CDH8: variants seen among roughly 807,000 people sequenced by gnomAD.
The protein encoded by CDH8 is cadherin 8.
In CDH8, 17 loss-of-function variants were observed where a neutral mutation model predicts 68.1. That is an observed-to-expected ratio of 0.25 (90% CI 0.17 to 0.37). The LOEUF is 0.37. Ranked by LOEUF, CDH8 falls within the 10% of genes least tolerant of loss-of-function variation. CDH8 has a pLI of 1.00. For missense variants in CDH8, 763 were observed against 999.3 expected (o/e 0.76, Z 3.19); for synonymous variants, 372 against 365.1 (o/e 1.02, Z -0.21).
At chr16:61,746,617 A>G (rs1960031056) in intron 8 of CDH8, among the ~76,000 whole-genome samples, 1 of 150,212 alleles carries the variant, frequency 6.7e-6, no homozygotes, top group Non-Finnish European at 1.5e-5. Context: ...TATGTTCATT[A>G]TTTCCCCCAA....
rs184039088 is a variant in CDH8 at position 61,771,723 on chromosome 16, A to G, written c.1414+17623T>C. On this transcript the variant is annotated intron_variant, in intron 8 of 11. Transcript: ENST00000577390. ...TATATGTACACACACCCACACATAC[A>G]TATATTCTGTACATCAACTCAAGTG... is the stretch of plus-strand genomic sequence containing the variant. 2.5e-3 allele frequency among the ~76,000 whole-genome samples: 379 copies of G among 152,040 alleles called. 2 individuals carry two copies. The highest frequency in any genetic ancestry group is 4.1e-3 in the Non-Finnish European group (279 of 67,930).
Position 61,857,236 on chromosome 16 carries a change from T to C in CDH8, c.550A>G (p.Thr184Ala). The C allele has an allele frequency of 1.9e-6, 3 of 1,611,466 alleles. No homozygotes were observed. Among genetic ancestry groups the C allele is most frequent in the South Asian group, 1.1e-5 (1 of 90,952 alleles). The change falls in exon 4 of 12, where the codon ACA becomes GCA. Residue 184 changes from threonine (T) to alanine (A), a missense_variant and splice_region_variant. Thr to Ala is a moderately conservative substitution (Grantham distance 58, BLOSUM62 0). Coordinates refer to ENST00000577390, the MANE Select transcript of CDH8 (RefSeq NM_001796.5). ...GTCGCAGTGACGTTAGTGACAGATG[T>C]ACCTAATAAAATAGAGAAAGAAAAA... The part of the protein sequence containing the change: ...ATVPEMSILG[T>A]SVTNVTATDA...
chr16:61,943,206 C>T (rs1964751606), intron 2 of CDH8, among the ~76,000 whole-genome samples: 1 of 152,214 alleles, frequency 6.6e-6, no homozygotes, highest in African/African-American at 2.4e-5. Flanking sequence ...CAACCTGAGA[C>T]ACTAGAATAT....
chr16:61,887,599 C>T (rs993805733), intron 3 of CDH8, among the ~76,000 whole-genome samples: 24 of 152,050 alleles, frequency 1.6e-4, no homozygotes, highest in African/African-American at 5.8e-4. Context: ...GTAAGGACAC[C>T]ATTCAGACAG....
At chr16:61,734,972 G>A (rs966641299) in intron 8 of CDH8, among the ~76,000 whole-genome samples, 4 of 152,092 alleles carry the variant, frequency 2.6e-5, no homozygotes, top group Admixed American at 2.6e-4. Context: ...GAAGCCTCCA[G>A]TGAAGTATCT....
At chr16:61,834,160 A>G (rs1345153712) in intron 4 of CDH8, among the ~76,000 whole-genome samples, 1 of 151,942 alleles carries the variant, frequency 6.6e-6, no homozygotes, top group Non-Finnish European at 1.5e-5. Context: ...TCAGGGACTC[A>G]GCCCTGGAGC....
Position 61,921,524 on chromosome 16 carries a change from C to G in CDH8, c.253-20051G>C, listed in dbSNP as rs777251703. Among the ~76,000 whole-genome samples the G allele has an allele frequency of 2.0e-4, 31 of 152,222 alleles. 1 individual carries two copies. The highest frequency in any genetic ancestry group is 2.2e-4 in the African/African-American group (9 of 41,538). On this transcript the variant is annotated intron_variant, in intron 2 of 11. Coordinates refer to ENST00000577390, the MANE Select transcript of CDH8 (RefSeq NM_001796.5). ...ACTCGAATTTCAGAAAATCTGTCCC[C>G]GAACAGAAACTTCTAAATACTTAAA...
At chr16:61,770,146 C>T (rs1191409092) in intron 8 of CDH8, among the ~76,000 whole-genome samples, 2 of 151,866 alleles carry the variant, frequency 1.3e-5, no homozygotes, top group South Asian at 2.1e-4. Context: ...GTTCAGGTTA[C>T]ATCCATCTAA....
At chr16:61,901,528 T>C in intron 2 of CDH8, 55 bp from the exon 3 acceptor site, 2 of 1,255,780 alleles carry the variant, frequency 1.6e-6, no homozygotes, top group Non-Finnish European at 2.3e-6. Flanking sequence ...AGTTATTTTT[T>C]TAACTACCTC....
At chr16:61,865,895 C>T (rs1963243876) in intron 3 of CDH8, among the ~76,000 whole-genome samples, 1 of 152,072 alleles carries the variant, frequency 6.6e-6, no homozygotes, top group South Asian at 2.1e-4. Context: ...CTGGTGGCAC[C>T]ACAGATGCCC....
At chr16:61,834,175 A>T (rs946013846) in intron 4 of CDH8, among the ~76,000 whole-genome samples, 5 of 151,930 alleles carry the variant, frequency 3.3e-5, no homozygotes, top group African/African-American at 1.2e-4. Context: ...TGGAGCATGC[A>T]ACCACTTGAA....
intron 6 of CDH8, among the ~76,000 whole-genome samples, chr16:61,819,226 A>G (rs1354509318): frequency 1.3e-5 from 2 of 152,238 alleles, no homozygotes; most frequent in Non-Finnish European, 2.9e-5. Context: ...GGGCCTATAA[A>G]TTGTAGAAAT....
intron 7 of CDH8, among the ~76,000 whole-genome samples, chr16:61,798,535 TCTGTAACTTCAATGAG>T (rs960954102): frequency 2.6e-5 from 4 of 152,224 alleles, no homozygotes; most frequent in African/African-American, 9.6e-5. Context: ...AAATTAATTT[TCTGTAACTTCAATGAG>T]CTGTATTTGG....
chr16:61,662,086 AGT>A (rs1491276826), intron 10 of CDH8, among the ~76,000 whole-genome samples: 6 of 70,728 alleles, frequency 8.5e-5, no homozygotes, highest in African/African-American at 1.3e-4. Flanking sequence ...GTTTTACTTT[AGT>A]TTTTTTTTTT....
chr16:61,905,390 T>C (rs570880569), intron 2 of CDH8, among the ~76,000 whole-genome samples: 2 of 152,122 alleles, frequency 1.3e-5, no homozygotes, highest in African/African-American at 2.4e-5. Context: ...GAGCCATTAA[T>C]ATATTAATAT....
At chr16:61,757,076 T>C (rs1386016818) in intron 8 of CDH8, among the ~76,000 whole-genome samples, 1 of 152,204 alleles carries the variant, frequency 6.6e-6, no homozygotes, top group Admixed American at 6.5e-5. Context: ...TTGTCCCTAT[T>C]TGACCATCAC....
At chr16:61,927,841 G>T (rs2143448895) in intron 2 of CDH8, among the ~76,000 whole-genome samples, 1 of 152,284 alleles carries the variant, frequency 6.6e-6, no homozygotes, top group South Asian at 2.1e-4. Context: ...ATTTGTTGAA[G>T]ATATTGTTTA....
chr16:62,027,440 G>C (rs1031451451), intron 1 of CDH8, among the ~76,000 whole-genome samples: 2 of 152,158 alleles, frequency 1.3e-5, no homozygotes, highest in Non-Finnish European at 2.9e-5. Flanking sequence ...ACAAAAACAG[G>C]CTTTTACAGA....
chr16:62,028,172 C>T (rs1380086882), intron 1 of CDH8, among the ~76,000 whole-genome samples: 2 of 147,264 alleles, frequency 1.4e-5, no homozygotes, highest in Admixed American at 7.0e-5. Context: ...TCAAGCAATT[C>T]TCCTGCCTCA....
Sources: gnomAD v4.1 joint callset for allele counts (sites outside exome capture counted in the v4.1 genomes callset) on GRCh38, gnomAD v4.1.1 for gene constraint, MANE v1.5 for transcripts, NCBI Gene and HGNC (gene_info 2026-07-23, HGNC 2026-07-21) for gene names.